TMBIM6: variants seen among roughly 807,000 people sequenced by gnomAD.
TMBIM6 encodes bax inhibitor 1.
Under a neutral mutation model 31.4 loss-of-function variants are expected in TMBIM6, and 13 were observed. That is an observed-to-expected ratio of 0.41 (90% CI 0.27 to 0.66). The LOEUF is 0.66. TMBIM6 is among the 30% of genes least tolerant of loss of function. The pLI is 0.28. For missense variants in TMBIM6, 275 were observed against 289.5 expected, an observed-to-expected ratio of 0.95 and a Z score of 0.36; for synonymous variants, 85 against 101.7, an observed-to-expected ratio of 0.84 and a Z score of 0.99.
intron 1 of TMBIM6, among the ~76,000 whole-genome samples, chr12:49,749,097 A>C (rs575082434): frequency 6.6e-6 from 1 of 152,216 alleles, no homozygotes; most frequent in Admixed American, 6.5e-5. Flanking sequence ...ATTGAAATGT[A>C]GGTATCTTTT....
chr12:49,759,148 C>G, intron 7 of TMBIM6, 73 bp from the exon 8 acceptor site: 1 of 1,301,230 alleles, frequency 7.7e-7, no homozygotes, highest in Non-Finnish European at 1.1e-6. Flanking sequence ...TGACTATGAG[C>G]CAGAAAGTAT....
intron 1 of TMBIM6, among the ~76,000 whole-genome samples, chr12:49,750,257 GC>G (rs1945471260): frequency 1.3e-5 from 2 of 152,200 alleles, no homozygotes; most frequent in South Asian, 4.1e-4. Context: ...GGTTACATGA[GC>G]ATTGCCTCTT....
intron 8 of TMBIM6, among the ~76,000 whole-genome samples, chr12:49,760,744 C>T (rs1038710435): frequency 6.6e-6 from 1 of 151,770 alleles, no homozygotes; most frequent in African/African-American, 2.4e-5. Context: ...CCACGTTGCC[C>T]CGTGAGGACA....
chr12:49,748,875 A>G (rs1945443177), intron 1 of TMBIM6, among the ~76,000 whole-genome samples: 2 of 152,064 alleles, frequency 1.3e-5, no homozygotes. Context: ...GGTAAACTAT[A>G]ACATTTTAAT....
intron 1 of TMBIM6, among the ~76,000 whole-genome samples, chr12:49,750,088 AC>A (rs899605281): frequency 6.6e-6 from 1 of 152,128 alleles, no homozygotes; most frequent in African/African-American, 2.4e-5. Flanking sequence ...CCCTGCCCCA[AC>A]CCACACAGCC....
chr12:49,753,565 G>A (rs1262032949), intron 3 of TMBIM6, among the ~76,000 whole-genome samples: 1 of 152,180 alleles, frequency 6.6e-6, no homozygotes, highest in Non-Finnish European at 1.5e-5. Context: ...AGAGAATCTG[G>A]GTTTGGTCAG....
intron 4 of TMBIM6, among the ~76,000 whole-genome samples, chr12:49,757,165 C>A (rs948699524): frequency 6.6e-6 from 1 of 152,200 alleles, no homozygotes; most frequent in Non-Finnish European, 1.5e-5. Flanking sequence ...CTGTGCCTGG[C>A]CTTCCTGGCC....
chr12:49,753,181 CTT>C, intron 3 of TMBIM6, 100 bp downstream of exon 3: 1 of 787,384 alleles, frequency 1.3e-6, no homozygotes, highest in South Asian at 1.8e-5. Context: ...TCTCTTTAAT[CTT>C]TATCAGTAGT....
chr12:49,742,729 C>T (rs372722059), intron 1 of TMBIM6: 206 of 154,516 alleles, frequency 1.3e-3, no homozygotes, highest in South Asian at 0.011. Context: ...AAACACATTT[C>T]TTATGACCTG....
intron 4 of TMBIM6, 79 bp downstream of exon 4, chr12:49,755,834 TTTC>T: frequency 2.0e-6 from 3 of 1,498,350 alleles, no homozygotes; most frequent in South Asian, 1.3e-5. Flanking sequence ...CCCCTTTTTT[TTTC>T]TTTTTTTTTT....
At chr12:49,760,928 C>T (rs1386481080) in intron 8 of TMBIM6, among the ~76,000 whole-genome samples, 4 of 152,040 alleles carry the variant, frequency 2.6e-5, no homozygotes, top group Admixed American at 6.5e-5. Context: ...CAGCCTCCGT[C>T]TCCCGGCTTC....
chr12:49,758,060 G>A (rs1945639083), intron 4 of TMBIM6, 167 bp from the exon 5 acceptor site: 1 of 737,856 alleles, frequency 1.4e-6, no homozygotes, highest in African/African-American at 1.8e-5. Context: ...ACGCAGTCAG[G>A]TATACATTTT....
intron 1 of TMBIM6, 142 bp from the exon 2 acceptor site, chr12:49,752,322 A>T: frequency 1.9e-6 from 1 of 521,586 alleles, no homozygotes; most frequent in Non-Finnish European, 3.3e-6. Context: ...GACACATAAA[A>T]ATAAAAATGG....
In TMBIM6 at chr12:49,759,205, C is replaced by T. The variant is rs761467393; in HGVS notation, c.514-16C>T. On this transcript the variant is annotated splice_polypyrimidine_tract_variant and intron_variant, in intron 7 of 9. Coordinates refer to ENST00000267115, the MANE Select transcript of TMBIM6 (RefSeq NM_003217.3). ...AACTTCTGCTGTATAGTAACTTCAT[C>T]TCTTACATTTGTTAGGCAAACCTGT... 2.5e-6 allele frequency: 4 copies of T among 1,609,838 alleles called. No individual in the cohort carries two copies. The highest frequency in any genetic ancestry group is 1.1e-5 in the South Asian group (1 of 90,974).
In TMBIM6 at chr12:49,764,796, T is replaced by C. The variant is rs1945788919; in HGVS notation, c.*1900T>C. The C allele has an allele frequency of 1.3e-5, 2 of 152,288 alleles. No homozygotes were observed. The highest frequency in any genetic ancestry group is 2.9e-5 in the Non-Finnish European group (2 of 68,024). The allele number at this position is 152,288 out of a possible 1,614,324, so 9.4% of individuals were successfully genotyped here. ...TTTTTAATATAGTTATCTCTACCAC[T>C]TTCTTTTCTAGTTTCTTGATTTTCA... On this transcript the variant is annotated 3_prime_UTR_variant, in exon 10 of 10. Coordinates refer to ENST00000267115, the MANE Select transcript of TMBIM6 (RefSeq NM_003217.3).
chr12:49,748,886 G>A (rs1945443333), intron 1 of TMBIM6, among the ~76,000 whole-genome samples: 1 of 151,632 alleles, frequency 6.6e-6, no homozygotes. Context: ...ACATTTTAAT[G>A]TGTTTTTTTA....
chr12:49,764,449 T>G lies in TMBIM6; in HGVS notation c.*1553T>G, dbSNP rs1945777995. 6.6e-6 allele frequency: 1 copy of G among 152,360 alleles called. No individual in the cohort carries two copies. The highest frequency in any genetic ancestry group is 2.1e-4 in the South Asian group (1 of 4,820). 9.4% of individuals were successfully genotyped at this position (152,360 alleles called of 1,614,324 possible). A position where few individuals can be genotyped will look rare whatever the true frequency, so the allele number is the denominator to read the frequency against. ...TTCTAAGTTGTGTTTATTCCTGGAG[T>G]GACATGCCACCCCGAATGGCTCACT... On this transcript the variant is annotated 3_prime_UTR_variant, in exon 10 of 10. Coordinates refer to ENST00000267115, the MANE Select transcript of TMBIM6 (RefSeq NM_003217.3).
Position 49,758,409 on chromosome 12 carries a change from C to T in TMBIM6, c.362C>T (p.Thr121Met), listed in dbSNP as rs144057087. Residue 121 changes from threonine (T) to methionine (M), a missense_variant, in exon 6 of 10, where the codon ACG becomes ATG. By Grantham distance (81) the Thr-to-Met change is moderately conservative (BLOSUM62 -1). Coordinates refer to ENST00000267115, the MANE Select transcript of TMBIM6 (RefSeq NM_003217.3). Reference sequence around the variant, plus strand: ...ATCCTTCCCACTGCTTTCATGGGCACGGCAATGATCTTTACCTGCTTCACC... The same window carrying T: ...ATCCTTCCCACTGCTTTCATGGGCATGGCAATGATCTTTACCTGCTTCACC... ...PSILPTAFMG[T>M]AMIFTCFTLS... 597 of 1,614,168 alleles carry T rather than the reference C, an allele frequency of 3.7e-4. 1 individual carries two copies. Among genetic ancestry groups the T allele is most frequent in the Non-Finnish European group, 4.8e-4 (563 of 1,180,028 alleles).
chr12:49,759,404 A>G, intron 8 of TMBIM6, 83 bp downstream of exon 8: 1 of 1,210,876 alleles, frequency 8.3e-7, no homozygotes, highest in Non-Finnish European at 1.2e-6. Context: ...CATTGGCTGA[A>G]CATAGGTGGC....
Sources: gnomAD v4.1 joint callset for allele counts (sites outside exome capture counted in the v4.1 genomes callset) on GRCh38, gnomAD v4.1.1 for gene constraint, MANE v1.5 for transcripts, NCBI Gene and HGNC (gene_info 2026-07-23, HGNC 2026-07-21) for gene names.